The following KIRREL3 variants were observed in gnomAD, a reference collection of about 807,000 sequenced individuals.
KIRREL3 encodes the protein kin of IRRE-like protein 3.
In KIRREL3, 36 loss-of-function variants were observed where a neutral mutation model predicts 89.7. The observed-to-expected ratio is 0.40, with a 90% CI of 0.31 to 0.53. The LOEUF (loss-of-function observed/expected upper bound fraction) is 0.53, where lower values mean the gene tolerates loss of function less well. Among genes scored for constraint, KIRREL3 ranks in the 20% least tolerant of loss-of-function variants. The pLI is 0.49. For missense variants in KIRREL3, 864 were observed against 1,056.6 expected (o/e 0.82, Z 2.53); for synonymous variants, 445 against 441.4 (o/e 1.01, Z -0.10).
chr11:126,945,775 T>C (rs1463371814), intron 1 of KIRREL3, among the ~76,000 whole-genome samples: 1 of 152,214 alleles, frequency 6.6e-6, no homozygotes, highest in Non-Finnish European at 1.5e-5. Context: ...AATAAGCATG[T>C]TGACGGTTAT....
intron 1 of KIRREL3, among the ~76,000 whole-genome samples, chr11:126,698,174 CT>C (rs1947174666): frequency 6.6e-6 from 1 of 152,202 alleles, no homozygotes; most frequent in Non-Finnish European, 1.5e-5. Context: ...CGCTCCCTCT[CT>C]CCCTCCTGCG....
rs1946573001 is a variant in KIRREL3 at position 126,906,124 on chromosome 11, T to C, written c.55+94331A>G. Among the ~76,000 whole-genome samples, 1 of 152,220 alleles carries C rather than the reference T, an allele frequency of 6.6e-6. No individual in the cohort carries two copies. The highest frequency in any genetic ancestry group is 2.4e-5 in the African/African-American group (1 of 41,464). ...AGCAGGAGCACACTCCAGCCCATCC[T>C]GCCCCTCTCTGAATTCCCTCACTCA... On this transcript the variant is annotated intron_variant, in intron 1 of 16. Transcript: ENST00000525144. The surrounding 1 kb of genome is among the most constrained non-coding windows in gnomAD (Gnocchi z 4.1).
intron 1 of KIRREL3, among the ~76,000 whole-genome samples, chr11:126,790,047 G>C (rs1348677632): frequency 6.6e-6 from 1 of 152,132 alleles, no homozygotes; most frequent in Non-Finnish European, 1.5e-5. Context: ...TCCTCTTCTA[G>C]TCTTCTCTGT....
Position 126,430,838 on chromosome 11 carries a change from G to T in KIRREL3, c.1696+581C>A. ...CACTGTGTCTCCATTGTCTTCACCT[G>T]TTCTCTGCCATCCAATCTCTCACAC... On this transcript the variant is annotated intron_variant, in intron 14 of 16. Transcript: ENST00000525144. The surrounding 1 kb of genome is among the most constrained non-coding windows in gnomAD (Gnocchi z 6.6). 2 of 353,588 alleles carry T rather than the reference G, an allele frequency of 5.7e-6. No homozygotes were observed. The highest frequency in any genetic ancestry group is 8.0e-6 in the Non-Finnish European group (2 of 250,272). The allele number at this position is 353,588 out of a possible 1,614,324, so 21.9% of individuals were successfully genotyped here. A position where few individuals can be genotyped will look rare whatever the true frequency, so the allele number is the denominator to read the frequency against.
rs1187986792 is a variant in KIRREL3 at position 126,689,753 on chromosome 11, C to T, written c.56-126841G>A. 3.3e-5 allele frequency among the ~76,000 whole-genome samples: 5 copies of T among 152,242 alleles called. No homozygotes were observed. The highest frequency in any genetic ancestry group is 7.3e-5 in the Non-Finnish European group (5 of 68,048). On this transcript the variant is annotated intron_variant, in intron 1 of 16. Coordinates refer to ENST00000525144, the MANE Select transcript of KIRREL3 (RefSeq NM_032531.4). This position sits in a 1 kb window ranked among gnomAD's most constrained non-coding sequence, Gnocchi z 5.2. The stretch of plus-strand genomic sequence containing the variant: ...TTTTCTTTGGCCACCTGGGTCTCAG[C>T]AGAGGCCCTCCCAAGACTGACAGGT...
intron 1 of KIRREL3, among the ~76,000 whole-genome samples, chr11:126,577,057 G>GGGGT (rs1297088595): frequency 5.9e-5 from 9 of 152,270 alleles, no homozygotes; most frequent in African/African-American, 2.2e-4. Flanking sequence ...GGTGGGGGAT[G>GGGGT]GGGTGCTCAG....
At chr11:126,436,414 C>T (rs1955336763) in intron 12 of KIRREL3, among the ~76,000 whole-genome samples, 1 of 152,260 alleles carries the variant, frequency 6.6e-6, no homozygotes, top group East Asian at 1.9e-4. Context: ...TCCCACGCTC[C>T]ACCCAGGCAT....
intron 16 of KIRREL3, 86 bp downstream of exon 16, chr11:126,425,552 A>G: frequency 8.4e-7 from 1 of 1,196,866 alleles, no homozygotes; most frequent in East Asian, 2.6e-5. Flanking sequence ...ACTTGCTGTC[A>G]TTTGTTGTAT....
intron 1 of KIRREL3, among the ~76,000 whole-genome samples, chr11:126,711,338 T>C (rs1248814247): frequency 4.6e-5 from 7 of 152,292 alleles, no homozygotes; most frequent in Non-Finnish European, 1.5e-5. Context: ...GGCAAGTGGA[T>C]CACCTGAGGC....
Position 126,656,015 on chromosome 11 carries a change from C to A in KIRREL3, c.56-93103G>T, listed in dbSNP as rs1245690228. On this transcript the variant is annotated intron_variant, in intron 1 of 16. Transcript: ENST00000525144. The surrounding 1 kb of genome is among the most constrained non-coding windows in gnomAD (Gnocchi z 4.0). ...GAGGCCTTAGAAGCTAATTAGAATC[C>A]TCTAGAAGTGTGTGGAAATGGGAAC... The A allele has an allele frequency of 1.0e-5, 4 of 385,122 alleles. No homozygotes were observed. Among genetic ancestry groups the A allele is most frequent in the South Asian group, 6.1e-5 (3 of 49,086 alleles). 23.9% of individuals were successfully genotyped at this position (385,122 alleles called of 1,614,324 possible).
chr11:126,424,423 G>T lies in KIRREL3; in HGVS notation c.*157C>A. 3.8e-6 allele frequency: 2 copies of T among 528,996 alleles called. No homozygotes were observed. The highest frequency in any genetic ancestry group is 6.6e-6 in the Non-Finnish European group (2 of 301,536). 32.8% of individuals were successfully genotyped at this position (528,996 alleles called of 1,614,324 possible). A position where few individuals can be genotyped will look rare whatever the true frequency, so the allele number is the denominator to read the frequency against. On this transcript the variant is annotated 3_prime_UTR_variant, in exon 17 of 17. Coordinates refer to ENST00000525144, the MANE Select transcript of KIRREL3 (RefSeq NM_032531.4). ...CACCTGGGGACCCAGATTTGTGCTT[G>T]ATCAGAGCTTCGAAGGAAGGCAGTG...
intron 1 of KIRREL3, among the ~76,000 whole-genome samples, chr11:126,868,108 TC>T (rs1466636811): frequency 6.6e-6 from 1 of 151,886 alleles, no homozygotes; most frequent in East Asian, 1.9e-4. Context: ...AGCCAGTTTG[TC>T]TTTAGGAGAG....
At chr11:126,592,568 A>C (rs560040504) in intron 1 of KIRREL3, among the ~76,000 whole-genome samples, 2 of 152,294 alleles carry the variant, frequency 1.3e-5, no homozygotes, top group East Asian at 3.9e-4. Context: ...CTTCTGGTCC[A>C]TTGAGGGAGA....
intron 1 of KIRREL3, among the ~76,000 whole-genome samples, chr11:126,757,574 G>T (rs1949545040): frequency 6.6e-6 from 1 of 152,112 alleles, no homozygotes; most frequent in South Asian, 2.1e-4. Flanking sequence ...TAGGCAGGGG[G>T]CCCAGCAGTT....
rs950082622 is a variant in KIRREL3 at position 126,705,856 on chromosome 11, C to T, written c.56-142944G>A. On this transcript the variant is annotated intron_variant, in intron 1 of 16. Coordinates refer to ENST00000525144, the MANE Select transcript of KIRREL3 (RefSeq NM_032531.4). This position sits in a 1 kb window ranked among gnomAD's most constrained non-coding sequence, Gnocchi z 4.3. ...CTAAAATGTTGAGAAAGTGATGCTGCGTAACTTCTGGGAAAAACTTTAAGA... is the reference window on the plus strand; with the variant it reads ...CTAAAATGTTGAGAAAGTGATGCTGTGTAACTTCTGGGAAAAACTTTAAGA... Among the ~76,000 whole-genome samples the T allele has an allele frequency of 8.5e-5, 13 of 152,290 alleles. No individual in the cohort carries two copies. Among genetic ancestry groups the T allele is most frequent in the African/African-American group, 2.6e-4 (11 of 41,552 alleles).
chr11:126,633,994 A>T (rs1237635882), intron 1 of KIRREL3, among the ~76,000 whole-genome samples: 1 of 152,226 alleles, frequency 6.6e-6, no homozygotes. Context: ...AGTACAGCGT[A>T]GTCCACATGA....
chr11:126,582,674 G>C (rs61901076), intron 1 of KIRREL3, among the ~76,000 whole-genome samples: 1 of 152,156 alleles, frequency 6.6e-6, no homozygotes, highest in African/African-American at 2.4e-5. Flanking sequence ...AGCCCCATGA[G>C]GATGGGAGGG....
In KIRREL3 at chr11:126,686,156, G is replaced by A. The variant is rs752036000; in HGVS notation, c.56-123244C>T. ...TCCGAGTTACTGGCAGGGTCTCTGC[G>A]TTCTGCCTTTGTGTTGAGCTTCTCC... On this transcript the variant is annotated intron_variant, in intron 1 of 16. Coordinates refer to ENST00000525144, the MANE Select transcript of KIRREL3 (RefSeq NM_032531.4). This position sits in a 1 kb window ranked among gnomAD's most constrained non-coding sequence, Gnocchi z 4.7. Among the ~76,000 whole-genome samples the A allele has an allele frequency of 7.9e-5, 12 of 152,128 alleles. No homozygotes were observed. Among genetic ancestry groups the A allele is most frequent in the East Asian group, 3.9e-4 (2 of 5,186 alleles).
chr11:126,576,383 A>C lies in KIRREL3; in HGVS notation c.56-13471T>G, dbSNP rs1456548143. On this transcript the variant is annotated intron_variant, in intron 1 of 16. Coordinates refer to ENST00000525144, the MANE Select transcript of KIRREL3 (RefSeq NM_032531.4). The surrounding 1 kb of genome is among the most constrained non-coding windows in gnomAD (Gnocchi z 5.4). ...TTCATTCTCATTCATTCATTCATTCATTCAAGGAGAGCTCACTCTGTGTCA... is the reference window on the plus strand; with the variant it reads ...TTCATTCTCATTCATTCATTCATTCCTTCAAGGAGAGCTCACTCTGTGTCA... 6.6e-6 allele frequency among the ~76,000 whole-genome samples: 1 copy of C among 152,156 alleles called. No homozygotes were observed. The highest frequency in any genetic ancestry group is 2.1e-4 in the South Asian group (1 of 4,824).
Sources: gnomAD v4.1 joint callset for allele counts (sites outside exome capture counted in the v4.1 genomes callset) on GRCh38, gnomAD v4.1.1 for gene constraint, Gnocchi (gnomAD v3.1) non-coding constraint, MANE v1.5 for transcripts, NCBI Gene and HGNC (gene_info 2026-07-23, HGNC 2026-07-21) for gene names.